The following HS3ST4 variants were observed in gnomAD, a reference collection of about 807,000 sequenced individuals.
HS3ST4 encodes heparan sulfate glucosamine 3-O-sulfotransferase 4.
In HS3ST4, 17 loss-of-function variants were observed where a neutral mutation model predicts 29.2. The observed-to-expected ratio is 0.58, with a 90% CI of 0.40 to 0.87. The LOEUF (loss-of-function observed/expected upper bound fraction) is 0.87, where lower values mean the gene tolerates loss of function less well. Ranked by LOEUF, HS3ST4 falls within the 40% of genes least tolerant of loss-of-function variation. HS3ST4 has a pLI of 0.00. For missense variants in HS3ST4, 627 were observed against 634.5 expected (o/e 0.99, Z 0.13); for synonymous variants, 314 against 285.7 (o/e 1.10, Z -1.00).
intron 1 of HS3ST4, among the ~76,000 whole-genome samples, chr16:25,711,383 A>G (rs891694621): frequency 6.6e-6 from 1 of 152,046 alleles, no homozygotes; most frequent in Non-Finnish European, 1.5e-5. Context: ...GAGAAAAAAA[A>G]AAATCCCTTC....
At chr16:25,784,632 A>C (rs1265244160) in intron 1 of HS3ST4, among the ~76,000 whole-genome samples, 1 of 152,220 alleles carries the variant, frequency 6.6e-6, no homozygotes, top group Non-Finnish European at 1.5e-5. Flanking sequence ...CAGTTCTATG[A>C]AGGCTAAACG....
At chr16:25,857,955 T>C (rs1162585703) in intron 1 of HS3ST4, among the ~76,000 whole-genome samples, 1 of 56,332 alleles carries the variant, frequency 1.8e-5, no homozygotes, top group Non-Finnish European at 3.2e-5. Flanking sequence ...TTTCTTTCTT[T>C]CTTTCTTTCT....
At chr16:25,843,085 AT>A (rs1303753126) in intron 1 of HS3ST4, among the ~76,000 whole-genome samples, 3 of 152,190 alleles carry the variant, frequency 2.0e-5, no homozygotes, top group Non-Finnish European at 2.9e-5. Context: ...AACTGTCCTG[AT>A]TATCTATTGC....
chr16:26,000,054 A>G (rs1204784672), intron 1 of HS3ST4, among the ~76,000 whole-genome samples: 1 of 151,554 alleles, frequency 6.6e-6, no homozygotes, highest in Non-Finnish European at 1.5e-5. Flanking sequence ...TTATTGCCCA[A>G]TCTGTTATCA....
At chr16:25,933,433 T>C in intron 1 of HS3ST4, 1 of 510,742 alleles carries the variant, frequency 2.0e-6, no homozygotes, top group Non-Finnish European at 3.9e-6. Context: ...AAGTGAAGTT[T>C]AGCACTGCTG....
intron 1 of HS3ST4, among the ~76,000 whole-genome samples, chr16:26,115,384 A>G (rs1217977788): frequency 1.3e-5 from 2 of 152,042 alleles, no homozygotes; most frequent in Non-Finnish European, 2.9e-5. Context: ...TTGGTTTCCA[A>G]TGAAGACTTT....
intron 1 of HS3ST4, among the ~76,000 whole-genome samples, chr16:25,897,529 C>T (rs904577468): frequency 6.6e-6 from 1 of 152,184 alleles, no homozygotes; most frequent in African/African-American, 2.4e-5. Context: ...TGGTTCCGGT[C>T]CCAGAGGGGA....
At chr16:26,031,788 A>G (rs951726666) in intron 1 of HS3ST4, among the ~76,000 whole-genome samples, 4 of 151,806 alleles carry the variant, frequency 2.6e-5, no homozygotes, top group African/African-American at 7.3e-5. Flanking sequence ...CAGGCAGGAC[A>G]TGGGCAGACA....
At chr16:25,833,600 C>A (rs2141640901) in intron 1 of HS3ST4, among the ~76,000 whole-genome samples, 1 of 152,164 alleles carries the variant, frequency 6.6e-6, no homozygotes, top group East Asian at 1.9e-4. Flanking sequence ...GAATTGGAGC[C>A]AGTAATGCTT....
chr16:25,716,378 G>A (rs2141587366), intron 1 of HS3ST4, among the ~76,000 whole-genome samples: 2 of 152,288 alleles, frequency 1.3e-5, no homozygotes, highest in South Asian at 4.1e-4. Context: ...GGACCAATGG[G>A]ATTTGAGAGT....
chr16:26,007,326 A>G (rs1481309867), intron 1 of HS3ST4, among the ~76,000 whole-genome samples: 2 of 152,126 alleles, frequency 1.3e-5, no homozygotes, highest in East Asian at 3.8e-4. Context: ...CCTGCTTTAA[A>G]TTTTGCAAAA....
intron 1 of HS3ST4, among the ~76,000 whole-genome samples, chr16:25,971,210 A>G (rs912341083): frequency 6.6e-6 from 1 of 152,148 alleles, no homozygotes; most frequent in Admixed American, 6.5e-5. Flanking sequence ...ATGAAAATAA[A>G]TAATACCAAC....
chr16:25,858,352 CT>C (rs1424419456), intron 1 of HS3ST4, among the ~76,000 whole-genome samples: 4 of 152,008 alleles, frequency 2.6e-5, no homozygotes, highest in African/African-American at 4.8e-5. Flanking sequence ...CTGCTGTGTC[CT>C]GCTTTTCTTA....
chr16:26,122,862 C>G (rs1899293584), intron 1 of HS3ST4, among the ~76,000 whole-genome samples: 1 of 152,014 alleles, frequency 6.6e-6, no homozygotes, highest in Non-Finnish European at 1.5e-5. Context: ...TGAGACCAGC[C>G]TGACCAACAC....
intron 1 of HS3ST4, among the ~76,000 whole-genome samples, chr16:25,834,846 C>G (rs1967341553): frequency 6.6e-6 from 1 of 152,126 alleles, no homozygotes; most frequent in Non-Finnish European, 1.5e-5. Flanking sequence ...ACTTGGGAGG[C>G]TGAGGCACAA....
chr16:25,777,336 A>G (rs898002907), intron 1 of HS3ST4, among the ~76,000 whole-genome samples: 1 of 152,200 alleles, frequency 6.6e-6, no homozygotes, highest in African/African-American at 2.4e-5. Flanking sequence ...TTATTTATTC[A>G]GCAAACATTT....
At chr16:25,840,697 A>G (rs2141644440) in intron 1 of HS3ST4, among the ~76,000 whole-genome samples, 1 of 152,282 alleles carries the variant, frequency 6.6e-6, no homozygotes, top group South Asian at 2.1e-4. Flanking sequence ...TAAAGTATCA[A>G]CCTACTGGGG....
At chr16:25,965,116 T>G (rs570933386) in intron 1 of HS3ST4, among the ~76,000 whole-genome samples, 10 of 152,246 alleles carry the variant, frequency 6.6e-5, no homozygotes, top group African/African-American at 1.9e-4. Flanking sequence ...GCACCAAGTA[T>G]TCTATGAAGA....
intron 1 of HS3ST4, among the ~76,000 whole-genome samples, chr16:25,874,504 C>G (rs1174208059): frequency 6.6e-6 from 1 of 152,162 alleles, no homozygotes; most frequent in African/African-American, 2.4e-5. Flanking sequence ...TGATGACTTT[C>G]CCATGACATT....
Sources: gnomAD v4.1 joint callset for allele counts (sites outside exome capture counted in the v4.1 genomes callset) on GRCh38, gnomAD v4.1.1 for gene constraint, MANE v1.5 for transcripts, NCBI Gene and HGNC (gene_info 2026-07-23, HGNC 2026-07-21) for gene names.